MTUS2: variants seen among roughly 807,000 people sequenced by gnomAD.
MTUS2 encodes the protein microtubule-associated tumor suppressor candidate 2.
MTUS2 carries 40 observed loss-of-function variants against 114.1 expected under a neutral mutation model. The observed-to-expected ratio is 0.35, with a 90% CI of 0.27 to 0.46. MTUS2 has a LOEUF of 0.46. Among genes scored for constraint, MTUS2 ranks in the 20% least tolerant of loss-of-function variants. MTUS2 has a pLI of 1.00. For synonymous variants in MTUS2, 688 were observed against 672.0 expected (o/e 1.02, Z -0.37); for missense variants, 1,679 against 1,705.4 (o/e 0.98, Z 0.27).
chr13:28,874,286 C>T (rs1167975233), intron 2 of MTUS2, among the ~76,000 whole-genome samples: 1 of 152,178 alleles, frequency 6.6e-6, no homozygotes. Flanking sequence ...AGGCATGAAC[C>T]ACCATGCCCC....
At position 29,124,780 on chromosome 13, in the gene MTUS2, A is replaced by G. The variant is rs76836612; in HGVS notation, c.2644+23810A>G. ...AGGAAAAGAAATTCTGACACATGCT[A>G]CAACATGGGTGAACCTTGAGTACAT... On this transcript the variant is annotated intron_variant, in intron 5 of 15. Transcript: ENST00000612955. 4.8e-3 allele frequency among the ~76,000 whole-genome samples: 735 copies of G among 152,358 alleles called. 5 individuals are homozygous for G. Among genetic ancestry groups the G allele is most frequent in the African/African-American group, 0.017 (688 of 41,582 alleles).
chr13:29,052,924 C>A lies in MTUS2; in HGVS notation c.2446+18799C>A, dbSNP rs1346418477. The stretch of plus-strand genomic sequence containing the variant: ...GATAGTGAGTTAGTTCTCATGAGAT[C>A]TGATGGTTTGATAAGGGGCTTCCCC... On this transcript the variant is annotated intron_variant, in intron 4 of 15. Coordinates refer to ENST00000612955, the MANE Select transcript of MTUS2 (RefSeq NM_001033602.4). 2.0e-5 allele frequency among the ~76,000 whole-genome samples: 3 copies of A among 152,100 alleles called. No homozygotes were observed. The South Asian group carries it at 6.2e-4, about 32-fold the overall frequency.
intron 8 of MTUS2, among the ~76,000 whole-genome samples, chr13:29,394,573 C>G (rs2138456956): frequency 6.6e-6 from 1 of 152,270 alleles, no homozygotes; most frequent in South Asian, 2.1e-4. Flanking sequence ...CAAAAAGGTT[C>G]CAGACTCTTA....
chr13:28,895,851 A>G (rs1199049638), intron 2 of MTUS2, among the ~76,000 whole-genome samples: 1 of 152,166 alleles, frequency 6.6e-6, no homozygotes, highest in Non-Finnish European at 1.5e-5. Context: ...TCACATACTC[A>G]TTTGCCAAAA....
chr13:29,091,985 G>A (rs545626602), intron 4 of MTUS2, among the ~76,000 whole-genome samples: 22 of 152,314 alleles, frequency 1.4e-4, no homozygotes, highest in African/African-American at 4.8e-4. Flanking sequence ...TCAGCATCCT[G>A]ATCCGGCACC....
Position 28,831,240 on chromosome 13 carries a change from C to G in MTUS2, c.-315-8538C>G, listed in dbSNP as rs557655127. Among the ~76,000 whole-genome samples, 131 of 152,080 alleles carry G rather than the reference C, an allele frequency of 8.6e-4. 1 individual carries two copies. Among genetic ancestry groups the G allele is most frequent in the Non-Finnish European group, 1.7e-3 (113 of 67,984 alleles). ...CAGTAGTGGAGGAACAAAAAGACATCAGACGTAACACAACAAATAGCAAAA... is the reference window on the plus strand; with the variant it reads ...CAGTAGTGGAGGAACAAAAAGACATGAGACGTAACACAACAAATAGCAAAA... On this transcript the variant is annotated intron_variant, in intron 1 of 15. Transcript: ENST00000612955.
At chr13:28,876,799 G>C (rs1458826040) in intron 2 of MTUS2, among the ~76,000 whole-genome samples, 2 of 152,102 alleles carry the variant, frequency 1.3e-5, no homozygotes, top group Admixed American at 1.3e-4. Context: ...CTGGGTAAAT[G>C]ATCAAACAAT....
Position 29,505,800 on chromosome 13 carries a change from G to C in MTUS2, c.*2594G>C, listed in dbSNP as rs1352000047. On this transcript the variant is annotated 3_prime_UTR_variant, in exon 16 of 16. Coordinates refer to ENST00000612955, the MANE Select transcript of MTUS2 (RefSeq NM_001033602.4). ...CACATGCTGGGACAAGGTTCTGGCT[G>C]GATGTCAGAATGGATGGGGGTGGGG... is the stretch of plus-strand genomic sequence containing the variant. 2 of 229,688 alleles carry C rather than the reference G, an allele frequency of 8.7e-6. No individual in the cohort carries two copies. The highest frequency in any genetic ancestry group is 4.4e-5 in the African/African-American group (2 of 45,076). 14.2% of individuals were successfully genotyped at this position (229,688 alleles called of 1,614,324 possible).
intron 2 of MTUS2, among the ~76,000 whole-genome samples, chr13:28,847,641 A>G (rs1268812553): frequency 6.6e-6 from 1 of 152,122 alleles, no homozygotes; most frequent in African/African-American, 2.4e-5. Context: ...TGTGTGGCCT[A>G]GTTCTTCCAT....
intron 8 of MTUS2, among the ~76,000 whole-genome samples, chr13:29,386,332 CAG>C (rs1005391899): frequency 5.8e-4 from 88 of 152,240 alleles, no homozygotes; most frequent in Non-Finnish European, 1.1e-3. Context: ...GGCGAAGGGT[CAG>C]GGGATGGAAC....
rs543424900 is a variant in MTUS2, at chr13:29,443,749, C to G, written c.3184+3700C>G. On this transcript the variant is annotated intron_variant, in intron 9 of 15. Coordinates refer to ENST00000612955, the MANE Select transcript of MTUS2 (RefSeq NM_001033602.4). ...TGATGGGAGAAGAGCATTGAACATGCAAACCTGGCTTACAGGTGGCCCAGA... is the reference window on the plus strand; with the variant it reads ...TGATGGGAGAAGAGCATTGAACATGGAAACCTGGCTTACAGGTGGCCCAGA... Among the ~76,000 whole-genome samples, 3 of 152,306 alleles carry G rather than the reference C, an allele frequency of 2.0e-5. No individual in the cohort carries two copies. In the South Asian group the frequency reaches 6.2e-4, roughly 32 times the overall value.
At chr13:29,251,837 CA>C in intron 5 of MTUS2, among the ~76,000 whole-genome samples, 1 of 152,268 alleles carries the variant, frequency 6.6e-6, no homozygotes, top group South Asian at 2.1e-4. Context: ...ATTTATCTGT[CA>C]ATGGACATTT....
intron 5 of MTUS2, among the ~76,000 whole-genome samples, chr13:29,236,054 G>A (rs192227591): frequency 4.0e-5 from 6 of 151,850 alleles, no homozygotes; most frequent in African/African-American, 1.2e-4. Flanking sequence ...ATTTTTTCTT[G>A]ATTAGCTAAA....
rs1393955636 is a variant in MTUS2 at position 29,380,779 on chromosome 13, G to A, written c.3117+21306G>A. 8.9e-4 allele frequency among the ~76,000 whole-genome samples: 56 copies of A among 62,578 alleles called. 25 individuals are homozygous for A. The highest frequency in any genetic ancestry group is 2.8e-3 in the South Asian group (4 of 1,426). 41.1% of individuals were successfully genotyped at this position (62,578 alleles called of 152,430 possible). A position where few individuals can be genotyped will look rare whatever the true frequency, so the allele number is the denominator to read the frequency against. On this transcript the variant is annotated intron_variant, in intron 8 of 15. Transcript: ENST00000612955. ...AAAATACAAAAAATTAGCCGGGCGC[G>A]GTGGCGGGCACCTGTAGTCCCAGCT...
At chr13:29,398,063 G>C (rs533038161) in intron 8 of MTUS2, among the ~76,000 whole-genome samples, 3 of 152,278 alleles carry the variant, frequency 2.0e-5, no homozygotes, top group African/African-American at 7.2e-5. Flanking sequence ...TCTGTTTTAT[G>C]TTGGTATTGT....
At chr13:28,883,348 G>A (rs1349134154) in intron 2 of MTUS2, among the ~76,000 whole-genome samples, 1 of 152,142 alleles carries the variant, frequency 6.6e-6, no homozygotes, top group African/African-American at 2.4e-5. Flanking sequence ...GAACCTGCAC[G>A]AAAGTGTTCA....
chr13:28,956,910 G>T (rs540352408), intron 2 of MTUS2, among the ~76,000 whole-genome samples: 52 of 151,608 alleles, frequency 3.4e-4, no homozygotes, highest in Non-Finnish European at 7.4e-5. Flanking sequence ...GAAGAAGGCT[G>T]CCCTCGAGAT....
chr13:28,920,794 T>G (rs968997296), intron 2 of MTUS2, among the ~76,000 whole-genome samples: 4 of 152,236 alleles, frequency 2.6e-5, no homozygotes, highest in African/African-American at 9.6e-5. Flanking sequence ...TTCCCTTCCC[T>G]TTCCATAGGC....
intron 5 of MTUS2, among the ~76,000 whole-genome samples, chr13:29,262,544 CT>C (rs1408678240): frequency 6.6e-6 from 1 of 150,576 alleles, no homozygotes. Flanking sequence ...TTGTTCCCCC[CT>C]ATAATGATTA....
Sources: allele counts gnomAD v4.1 joint callset (sites outside exome capture counted in the v4.1 genomes callset), GRCh38; gene constraint gnomAD v4.1.1; transcripts MANE v1.5; gene names NCBI Gene and HGNC (gene_info 2026-07-23, HGNC 2026-07-21).